AGO1: variants seen among roughly 807,000 people sequenced by gnomAD.
AGO1 encodes the protein argonaute RISC component 1.
AGO1 carries 11 observed loss-of-function variants against 109.2 expected under a neutral mutation model. The observed-to-expected ratio is 0.10, with a 90% CI of 0.06 to 0.17. The LOEUF is 0.17. AGO1 is among the 10% of genes least tolerant of loss of function. The pLI, the probability that AGO1 is intolerant of heterozygous loss-of-function variation, is 1.00. For missense variants in AGO1, 574 were observed against 1,140.3 expected, an observed-to-expected ratio of 0.50 and a Z score of 7.15; for synonymous variants, 422 against 418.6, an observed-to-expected ratio of 1.01 and a Z score of -0.10.
intron 16 of AGO1, 79 bp downstream of exon 16, chr1:35,917,806 G>C (rs1645761812): frequency 6.5e-7 from 1 of 1,547,292 alleles, no homozygotes; most frequent in South Asian, 1.2e-5. Context: ...TGAGATAAAG[G>C]CTGGGGATTT....
chr1:35,901,596 C>T lies in AGO1; in HGVS notation c.1140+3C>T. On this transcript the variant is annotated splice_donor_region_variant and intron_variant, in intron 9 of 18. Transcript: ENST00000373204. The surrounding 1 kb of genome is among the most constrained non-coding windows in gnomAD (Gnocchi z 4.8). ...GACAGGAGGAGATCAGTCGCCTGGT[C>T]AGTGGGCCTACTCATTTGCTCAGTC... 1.3e-5 allele frequency: 21 copies of T among 1,614,048 alleles called. No homozygotes were observed. The highest frequency in any genetic ancestry group is 1.8e-5 in the Non-Finnish European group (21 of 1,180,012).
At chr1:35,877,432 G>T (rs1371435753) in intron 1 of AGO1, among the ~76,000 whole-genome samples, 1 of 151,910 alleles carries the variant, frequency 6.6e-6, no homozygotes, top group Non-Finnish European at 1.5e-5. Flanking sequence ...CATCCTCACA[G>T]GCCTGTTTAA....
upstream of AGO1, among the ~76,000 whole-genome samples, chr1:35,882,154 G>A (rs1645043488): frequency 6.6e-6 from 1 of 152,192 alleles, no homozygotes; most frequent in African/African-American, 2.4e-5. The surrounding 1 kb of genome is among the most constrained non-coding windows in gnomAD (Gnocchi z 5.1). Context: ...AAGATAAAGT[G>A]TTTGGTTTGG....
chr1:35,889,400 C>T (rs571765799), intron 2 of AGO1, among the ~76,000 whole-genome samples: 6 of 151,734 alleles, frequency 4.0e-5, no homozygotes, highest in South Asian at 2.1e-4. Flanking sequence ...TTAGTAGAGA[C>T]GGAGTTTCAC....
intron 7 of AGO1, 36 bp downstream of exon 7, chr1:35,894,438 G>C (rs1386700346): frequency 1.9e-6 from 3 of 1,599,718 alleles, no homozygotes; most frequent in Non-Finnish European, 2.6e-6. Context: ...TACTTTGTTG[G>C]TGGAGAAGGG....
chr1:35,894,960 G>T (rs1645292205), intron 7 of AGO1, among the ~76,000 whole-genome samples, 162 bp from the exon 8 acceptor site: 1 of 152,190 alleles, frequency 6.6e-6, no homozygotes, highest in South Asian at 2.1e-4. Context: ...AATGCTCAAA[G>T]AAGTTGGATA....
At chr1:35,879,693 C>T (rs1357160121), upstream of AGO1, among the ~76,000 whole-genome samples, 1 of 142,874 alleles carries the variant, frequency 7.0e-6, no homozygotes, top group Non-Finnish European at 1.5e-5. Context: ...CAAGATTGTG[C>T]CCCTGCACTC....
rs1006126627 is a variant in AGO1, at chr1:35,907,047, C to T, written c.1510C>T (p.Arg504Trp). Reference sequence around the variant, plus strand: ...GGCAGACAGCGTGGAGCCTATGTTCCGGCATCTCAAGAACACCTACTCAGG... The same window carrying T: ...GGCAGACAGCGTGGAGCCTATGTTCTGGCATCTCAAGAACACCTACTCAGG... ...QGADSVEPMF[R>W]HLKNTYSGLQ... Residue 504 changes from arginine to tryptophan, a missense_variant, in exon 12 of 19, where the codon CGG becomes TGG. By Grantham distance (101) the Arg-to-Trp change is moderately radical (BLOSUM62 -3). Transcript: ENST00000373204. The T allele has an allele frequency of 1.9e-6, 3 of 1,613,922 alleles. No individual in the cohort carries two copies. The highest frequency in any genetic ancestry group is 2.5e-6 in the Non-Finnish European group (3 of 1,180,008).
intron 2 of AGO1, among the ~76,000 whole-genome samples, chr1:35,889,791 C>T (rs1159345965): frequency 2.0e-5 from 3 of 152,044 alleles, no homozygotes; most frequent in African/African-American, 4.8e-5. Flanking sequence ...CTCTGCCTCC[C>T]GAGTAGCTGG....
intron 1 of AGO1, among the ~76,000 whole-genome samples, chr1:35,887,600 C>A (rs1645141614): frequency 1.3e-5 from 2 of 152,132 alleles, no homozygotes; most frequent in Admixed American, 1.3e-4. Flanking sequence ...AGTGTCTCTT[C>A]TCCAGCATTC....
At chr1:35,892,763 C>G in intron 3 of AGO1, 86 bp downstream of exon 3, 1 of 1,541,552 alleles carries the variant, frequency 6.5e-7, no homozygotes, top group African/African-American at 1.4e-5. Flanking sequence ...TCCAGAGATC[C>G]TTTTCATCTT....
At position 35,928,339 on chromosome 1, in the gene AGO1, C is replaced by G. The variant is rs1645968854; in HGVS notation, c.*8732C>G. On this transcript the variant is annotated 3_prime_UTR_variant, in exon 19 of 19. Transcript: ENST00000373204. ...TCTGTCACCCAGGCTGGAGTGCAGTCTCATGATCGCGGCTCACTGCAGTTT... is the reference window on the plus strand; with the variant it reads ...TCTGTCACCCAGGCTGGAGTGCAGTGTCATGATCGCGGCTCACTGCAGTTT... 1 of 152,236 alleles carries G rather than the reference C, an allele frequency of 6.6e-6. No homozygotes were observed. The highest frequency in any genetic ancestry group is 2.4e-5 in the African/African-American group (1 of 41,448). The allele number at this position is 152,236 out of a possible 1,614,324, so 9.4% of individuals were successfully genotyped here.
upstream of AGO1, among the ~76,000 whole-genome samples, chr1:35,879,601 G>A (rs1340795483): frequency 1.3e-5 from 2 of 151,790 alleles, no homozygotes; most frequent in African/African-American, 4.8e-5. Context: ...TGGGTGTGGT[G>A]GCATGTGCCT....
chr1:35,888,458 G>A lies in AGO1; in HGVS notation c.57G>A (p.Gln19=), dbSNP rs1240989789. The A allele has an allele frequency of 1.9e-6, 3 of 1,614,214 alleles. No individual in the cohort carries two copies. In the Middle Eastern group the frequency reaches 4.9e-4, roughly 266 times the overall value. The stretch of plus-strand genomic sequence containing the variant: ...GCGCTTACCTGCCCCCCCTGCAGCA[G>A]GTGTTCCAGGCACCTCGCCGGCCTG... ...AAGAYLPPLQ[Q]VFQAPRRPGI... The change falls in exon 2 of 19, where the codon CAG becomes CAA. Residue 19 remains glutamine (Q), a synonymous_variant. Transcript: ENST00000373204. This position sits in a 1 kb window ranked among gnomAD's most constrained non-coding sequence, Gnocchi z 4.1.
At position 35,888,682 on chromosome 1, in the gene AGO1, G is replaced by A; in HGVS notation, c.209+72G>A. ...TGAAAGAGGGGCCAGAAAGGTAAAA[G>A]AAAAACCAGTAGAGGGTAGTATCAC... On this transcript the variant is annotated intron_variant, in intron 2 of 18. Coordinates refer to ENST00000373204, the MANE Select transcript of AGO1 (RefSeq NM_012199.5). The surrounding 1 kb of genome is among the most constrained non-coding windows in gnomAD (Gnocchi z 4.1). The A allele has an allele frequency of 2.6e-6, 4 of 1,552,600 alleles. No individual in the cohort carries two copies. Among genetic ancestry groups the A allele is most frequent in the Admixed American group, 3.7e-5 (2 of 54,030 alleles).
At chr1:35,871,218 A>C (rs898719255) in intron 1 of AGO1, among the ~76,000 whole-genome samples, 2 of 151,314 alleles carry the variant, frequency 1.3e-5, no homozygotes, top group African/African-American at 4.8e-5. Context: ...GGTGAAATTG[A>C]TGTCTCATTG....
chr1:35,883,193 G>C, upstream of AGO1: 1 of 1,170,192 alleles, frequency 8.5e-7, no homozygotes, highest in South Asian at 4.3e-5. The surrounding 1 kb of genome is among the most constrained non-coding windows in gnomAD (Gnocchi z 5.4). Flanking sequence ...CCTGGGCCCG[G>C]CGGTCGCGCC....
In AGO1 at chr1:35,893,458, C is replaced by T. The variant is rs1645259319; in HGVS notation, c.512+180C>T. 1.2e-6 allele frequency: 1 copy of T among 821,528 alleles called. No individual in the cohort carries two copies. Among genetic ancestry groups the T allele is most frequent in the South Asian group, 1.9e-5 (1 of 53,232 alleles). 50.9% of individuals were successfully genotyped at this position (821,528 alleles called of 1,614,324 possible). A position where few individuals can be genotyped will look rare whatever the true frequency, so the allele number is the denominator to read the frequency against. On this transcript the variant is annotated intron_variant, in intron 4 of 18. Coordinates refer to ENST00000373204, the MANE Select transcript of AGO1 (RefSeq NM_012199.5). The surrounding 1 kb of genome is among the most constrained non-coding windows in gnomAD (Gnocchi z 5.6). The stretch of plus-strand genomic sequence containing the variant: ...GATGGTTTAAAGCCCTGGCCCTGAA[C>T]TTCTTAGATATCTTTGGGCCTCATC...
In AGO1 at chr1:35,892,608, T is replaced by G; in HGVS notation, c.261T>G (p.Asp87Glu). 1 of 1,614,242 alleles carries G rather than the reference T, an allele frequency of 6.2e-7. No individual in the cohort carries two copies. The highest frequency in any genetic ancestry group is 8.5e-7 in the Non-Finnish European group (1 of 1,180,046). ...VQHFKPQIFG[D>E]RKPVYDGKKN... The stretch of plus-strand genomic sequence containing the variant: ...ATTTCAAGCCTCAGATCTTTGGTGA[T>G]CGCAAGCCTGTGTATGATGGAAAGA... The change falls in exon 3 of 19, where the codon GAT becomes GAG. Residue 87 changes from aspartate to glutamate, a missense_variant. Asp to Glu is a conservative substitution (Grantham distance 45). Around this residue, in one of 8 missense-constraint regions of AGO1, gnomAD observed 129 missense variants for 243.0 expected, o/e 0.53. Transcript: ENST00000373204.
Sources: gnomAD v4.1 joint callset for allele counts (sites outside exome capture counted in the v4.1 genomes callset) on GRCh38, gnomAD v4.1.1 for gene constraint, gnomAD v4.1.1 regional missense constraint, Gnocchi (gnomAD v3.1) non-coding constraint, MANE v1.5 for transcripts, NCBI Gene and HGNC (gene_info 2026-07-23, HGNC 2026-07-21) for gene names.